The following NRG1 variants were observed in gnomAD, a reference collection of about 807,000 sequenced individuals.
NRG1 encodes pro-neuregulin-1, membrane-bound isoform.
A neutral mutation model predicts 63.8 loss-of-function variants in NRG1; 18 were observed. The observed-to-expected ratio is 0.28, with a 90% confidence interval of 0.19 to 0.42. The LOEUF (loss-of-function observed/expected upper bound fraction) is 0.42. Ranked by LOEUF, NRG1 falls within the 10% of genes least tolerant of loss-of-function variation. The probability of loss-of-function intolerance (pLI) is 1.00; values close to 1 mark genes in which losing one functional copy is unlikely to be tolerated. For missense variants in NRG1, 762 were observed against 814.7 expected (o/e 0.94, Z 0.79); for synonymous variants, 302 against 301.3 (o/e 1.00, Z -0.02).
intron 1 of NRG1, among the ~76,000 whole-genome samples, chr8:31,859,827 A>G (rs1828302065): frequency 6.6e-6 from 1 of 152,256 alleles, no homozygotes; most frequent in South Asian, 2.1e-4. Flanking sequence ...CTTCAAAGTC[A>G]AATGGAACCT....
At chr8:32,233,711 T>C (rs957054025) in intron 1 of NRG1, among the ~76,000 whole-genome samples, 27 of 151,616 alleles carry the variant, frequency 1.8e-4, no homozygotes, top group African/African-American at 6.5e-4. Flanking sequence ...ACTACAGGCA[T>C]GAGCCAACAT....
At chr8:31,948,238 T>G (rs1275131115) in intron 1 of NRG1, among the ~76,000 whole-genome samples, 2 of 152,230 alleles carry the variant, frequency 1.3e-5, no homozygotes, top group East Asian at 3.9e-4. Context: ...TTTATTGAAA[T>G]GCACCTTGCA....
rs773398472 is a variant in NRG1, at chr8:32,196,943, C to CTTTTTTTTTTTTTTTT, written c.38-398866_38-398851dup. Among the ~76,000 whole-genome samples, 102 of 27,440 alleles carry CTTTTTTTTTTTTTTTT rather than the reference C, an allele frequency of 3.7e-3. 37 individuals are homozygous for CTTTTTTTTTTTTTTTT. Among genetic ancestry groups the CTTTTTTTTTTTTTTTT allele is most frequent in the East Asian group, 9.6e-3 (5 of 520 alleles). The allele number at this position is 27,440 out of a possible 152,430, so 18.0% of individuals were successfully genotyped here. A position where few individuals can be genotyped will look rare whatever the true frequency, so the allele number is the denominator to read the frequency against. On this transcript the variant is annotated intron_variant, in intron 1 of 10. Transcript: ENST00000519301. ...CTACCAGGCCTGTTCTCAGAACATT[C>CTTTTTTTTTTTTTTTT]TTTTTTTTTTTTTTTTTTTTTTTTT...
At chr8:31,712,671 C>G (rs1438047255) in intron 1 of NRG1, among the ~76,000 whole-genome samples, 1 of 152,156 alleles carries the variant, frequency 6.6e-6, no homozygotes, top group Admixed American at 6.5e-5. Flanking sequence ...TTCTTGTGCT[C>G]TTTGTCTGTT....
intron 1 of NRG1, among the ~76,000 whole-genome samples, chr8:31,800,837 C>CTTTTTTTTTT (rs5890598): frequency 2.1e-4 from 22 of 105,048 alleles, no homozygotes; most frequent in African/African-American, 7.1e-4. Context: ...AGTCTCCTTT[C>CTTTTTTTTTT]TTTTTTTTTT....
chr8:32,161,817 CAG>C (rs1395840771), intron 1 of NRG1, among the ~76,000 whole-genome samples: 2 of 152,088 alleles, frequency 1.3e-5, no homozygotes, highest in Non-Finnish European at 2.9e-5. Flanking sequence ...GTTGTTCAGA[CAG>C]TGTTCTGTTG....
At chr8:32,158,448 G>GATATAGATATATATATATATAT (rs1554641399) in intron 1 of NRG1, among the ~76,000 whole-genome samples, 1 of 62,196 alleles carries the variant, frequency 1.6e-5, no homozygotes, top group Non-Finnish European at 3.9e-5. Context: ...TGGTTTACAT[G>GATATAGATATATATATATATAT]ATATATATAT....
chr8:31,659,667 A>G (rs78422517), intron 1 of NRG1, among the ~76,000 whole-genome samples: 21,423 of 152,200 alleles, frequency 0.14, 2,002 homozygotes, highest in Non-Finnish European at 0.19. Flanking sequence ...GCCAGACTCC[A>G]CTTTCTTAAC....
intron 1 of NRG1, among the ~76,000 whole-genome samples, chr8:32,418,123 C>T (rs529610304): frequency 5.9e-5 from 9 of 152,068 alleles, no homozygotes; most frequent in Admixed American, 2.6e-4. Flanking sequence ...GAAAATACAG[C>T]GATATTTACT....
In NRG1 at chr8:32,733,454, C is replaced by T. The variant is rs562215326; in HGVS notation, c.632+5376C>T. On this transcript the variant is annotated intron_variant, in intron 6 of 11. Transcript: ENST00000356819. ...TTTGATAGATAAAATATTTATCAAACGTATTTGATAATATATATAATGTAA... is the reference window on the plus strand; with the variant it reads ...TTTGATAGATAAAATATTTATCAAATGTATTTGATAATATATATAATGTAA... Among the ~76,000 whole-genome samples, 105 of 151,232 alleles carry T rather than the reference C, an allele frequency of 6.9e-4. 1 individual carries two copies. The highest frequency in any genetic ancestry group is 2.0e-3 in the African/African-American group (82 of 40,694).
In NRG1 at chr8:31,742,455, ATTTTTTTTTT is replaced by A. The variant is rs36040084; in HGVS notation, c.37+103041_37+103050del. 2.1e-4 allele frequency among the ~76,000 whole-genome samples: 17 copies of A among 80,024 alleles called. No homozygotes were observed. The South Asian group carries it at 3.3e-3, about 15-fold the overall frequency. 52.5% of individuals were successfully genotyped at this position (80,024 alleles called of 152,430 possible). On this transcript the variant is annotated intron_variant, in intron 1 of 10. Transcript: ENST00000519301. Reference sequence around the variant, plus strand: ...GCAACGACAGACAACTTTTTTAAGAATTTTTTTTTTTTTTTTTTTTTTTTTTAACGAAAGC... The same window carrying A: ...GCAACGACAGACAACTTTTTTAAGAATTTTTTTTTTTTTTTTAACGAAAGC...
At chr8:32,679,351 T>C (rs945316622) in intron 5 of NRG1, among the ~76,000 whole-genome samples, 3 of 152,186 alleles carry the variant, frequency 2.0e-5, no homozygotes, top group African/African-American at 7.2e-5. Context: ...ATTTTCTAAA[T>C]AGTAGTTTTA....
intron 1 of NRG1, among the ~76,000 whole-genome samples, chr8:31,712,183 G>T (rs752936319): frequency 6.9e-6 from 1 of 144,032 alleles, no homozygotes; most frequent in Non-Finnish European, 1.5e-5. Context: ...GTGATTTCAC[G>T]CTATTATTTC....
chr8:31,718,265 A>G (rs1330609913), intron 1 of NRG1, among the ~76,000 whole-genome samples: 1 of 152,142 alleles, frequency 6.6e-6, no homozygotes, highest in Non-Finnish European at 1.5e-5. Flanking sequence ...ATAGATAAGA[A>G]TTCTACATCC....
intron 1 of NRG1, among the ~76,000 whole-genome samples, chr8:32,438,794 A>C (rs1442232761): frequency 6.6e-6 from 1 of 152,104 alleles, no homozygotes; most frequent in African/African-American, 2.4e-5. Flanking sequence ...AATGATGTTG[A>C]ACATCTTTTC....
At chr8:31,848,721 T>C (rs1826925608) in intron 1 of NRG1, among the ~76,000 whole-genome samples, 1 of 152,108 alleles carries the variant, frequency 6.6e-6, no homozygotes, top group Non-Finnish European at 1.5e-5. Flanking sequence ...GGGATCTAGG[T>C]TGCACATTCC....
chr8:31,701,057 T>C (rs1810577264), intron 1 of NRG1, among the ~76,000 whole-genome samples: 1 of 152,140 alleles, frequency 6.6e-6, no homozygotes, highest in Non-Finnish European at 1.5e-5. Context: ...GTAGGGAGTA[T>C]TATTAGTCAT....
chr8:31,987,350 A>G (rs327374), intron 1 of NRG1, among the ~76,000 whole-genome samples: 104,292 of 138,898 alleles, frequency 0.75, 39,209 homozygotes, highest in Non-Finnish European at 0.82. Context: ...GTGTGTGTGT[A>G]TGTGTGTGAA....
intron 1 of NRG1, among the ~76,000 whole-genome samples, chr8:32,301,726 G>C (rs1353159598): frequency 6.6e-6 from 1 of 152,142 alleles, no homozygotes; most frequent in African/African-American, 2.4e-5. Flanking sequence ...AAAACCATCA[G>C]ATCTCGTGAG....
Sources: gnomAD v4.1 joint callset for allele counts (sites outside exome capture counted in the v4.1 genomes callset) on GRCh38, gnomAD v4.1.1 for gene constraint, MANE v1.5 for transcripts, NCBI Gene and HGNC (gene_info 2026-07-23, HGNC 2026-07-21) for gene names.